Variants in KNTC1 observed in about 807,000 individuals in gnomAD.
The protein encoded by KNTC1 is kinetochore associated 1, also known as kinetochore-associated protein 1.
KNTC1 carries 253 observed loss-of-function variants against 314.4 expected under a neutral mutation model. That is an observed-to-expected ratio of 0.80 (90% CI 0.73 to 0.89). The LOEUF is 0.89. Ranked by LOEUF, KNTC1 falls within the 40% of genes least tolerant of loss-of-function variation. KNTC1 has a pLI of 0.00. For synonymous variants in KNTC1, 901 were observed against 901.4 expected (o/e 1.00, Z 0.01); for missense variants, 2,475 against 2,572.9 (o/e 0.96, Z 0.82).
In KNTC1 at chr12:122,557,588, T is replaced by G; in HGVS notation, c.1399-12T>G. 6.2e-7 allele frequency: 1 copy of G among 1,612,888 alleles called. No individual in the cohort carries two copies. Among genetic ancestry groups the G allele is most frequent in the Non-Finnish European group, 8.5e-7 (1 of 1,179,286 alleles). ...TTAGGTTGCCTTACTGTGTCTGGCATTTGTGAAACAGGATGATGAATTTGT... is the reference window on the plus strand; with the variant it reads ...TTAGGTTGCCTTACTGTGTCTGGCAGTTGTGAAACAGGATGATGAATTTGT... On this transcript the variant is annotated splice_polypyrimidine_tract_variant and intron_variant, in intron 17 of 63. Transcript: ENST00000333479.
rs150994492 is a variant in KNTC1 at position 122,557,789 on chromosome 12, T to C, written c.1488+100T>C. On this transcript the variant is annotated intron_variant, in intron 18 of 63. Coordinates refer to ENST00000333479, the MANE Select transcript of KNTC1 (RefSeq NM_014708.6). ...AAATATATCTTTTCCTCCTATCCGC[T>C]ATGTGTATTATTAATAAAAAAGTTT... is the stretch of plus-strand genomic sequence containing the variant. 1.7e-3 allele frequency: 1,329 copies of C among 762,348 alleles called. 20 individuals are homozygous for C. In the African/African-American group the frequency reaches 0.021, roughly 12 times the overall value. The allele number at this position is 762,348 out of a possible 1,614,324, so 47.2% of individuals were successfully genotyped here.
intron 19 of KNTC1, among the ~76,000 whole-genome samples, chr12:122,562,243 T>C (rs972835174): frequency 2.6e-5 from 4 of 152,202 alleles, no homozygotes; most frequent in Admixed American, 6.5e-5. Context: ...ATGATGGTGC[T>C]AAAATACATG....
intron 60 of KNTC1, among the ~76,000 whole-genome samples, chr12:122,621,353 GTT>G (rs1874411512): frequency 6.6e-6 from 1 of 152,102 alleles, no homozygotes; most frequent in Non-Finnish European, 1.5e-5. Context: ...TTTTTCGTTT[GTT>G]TGTTTTTTGT....
intron 42 of KNTC1, chr12:122,593,892 C>G (rs1419059864): frequency 5.9e-6 from 1 of 169,742 alleles, no homozygotes; most frequent in Non-Finnish European, 1.3e-5. Context: ...AGGCATGAGC[C>G]AAAACCCTGT....
chr12:122,622,628 A>G (rs781539440), intron 62 of KNTC1, 21 bp downstream of exon 62: 1 of 1,496,040 alleles, frequency 6.7e-7, no homozygotes, highest in South Asian at 1.3e-5. Context: ...TAAAAAAAAA[A>G]AAACTTACTG....
chr12:122,618,841 G>T (rs183214024), intron 59 of KNTC1, among the ~76,000 whole-genome samples: 1 of 151,360 alleles, frequency 6.6e-6, no homozygotes, highest in Non-Finnish European at 1.5e-5. Context: ...GCTAATTTTT[G>T]TATTTTTAGT....
intron 5 of KNTC1, among the ~76,000 whole-genome samples, chr12:122,541,596 T>G (rs1215919879): frequency 6.6e-6 from 1 of 151,722 alleles, no homozygotes; most frequent in East Asian, 2.0e-4. Context: ...CTACCTGCCT[T>G]GGCCTCCCAA....
At chr12:122,586,070 T>TGTTTG (rs1869242013) in intron 37 of KNTC1, among the ~76,000 whole-genome samples, 1 of 80,698 alleles carries the variant, frequency 1.2e-5, no homozygotes, top group Admixed American at 1.1e-4. Flanking sequence ...CTTTTTTGTG[T>TGTTTG]GTTTGTTTTG....
At chr12:122,615,856 C>T (rs1873707907) in intron 57 of KNTC1, among the ~76,000 whole-genome samples, 1 of 152,254 alleles carries the variant, frequency 6.6e-6, no homozygotes, top group African/African-American at 2.4e-5. Flanking sequence ...TGCCCGGACC[C>T]GTTAATACTC....
chr12:122,588,773 C>T lies in KNTC1; in HGVS notation c.3956C>T (p.Ala1319Val). 6.4e-7 allele frequency: 1 copy of T among 1,567,110 alleles called. No individual in the cohort carries two copies. The highest frequency in any genetic ancestry group is 1.9e-5 in the Admixed American group (1 of 52,940). The change falls in exon 40 of 64, where the codon GCT becomes GTT. Residue 1319 changes from alanine to valine, a missense_variant. Transcript: ENST00000333479. Reference sequence around the variant, plus strand: ...GTTGTTATGGAATTGAAAGAAAAAGCTGTTATATTTATCAGGGAAAATGCT... The same window carrying T: ...GTTGTTATGGAATTGAAAGAAAAAGTTGTTATATTTATCAGGGAAAATGCT... ...RHVVMELKEK[A>V]VIFIRENATT...
At chr12:122,550,480 C>G (rs562280801) in intron 13 of KNTC1, among the ~76,000 whole-genome samples, 1 of 151,884 alleles carries the variant, frequency 6.6e-6, no homozygotes, top group East Asian at 1.9e-4. Flanking sequence ...AATCACTCAT[C>G]AAATTTAGGT....
intron 3 of KNTC1, among the ~76,000 whole-genome samples, chr12:122,537,912 C>T (rs972527435): frequency 2.6e-5 from 4 of 152,014 alleles, no homozygotes; most frequent in Admixed American, 2.6e-4. Context: ...GATGGACAAT[C>T]GCTTGAGCTC....
chr12:122,558,406 GC>G (rs1324118812), intron 18 of KNTC1, among the ~76,000 whole-genome samples: 1 of 151,952 alleles, frequency 6.6e-6, no homozygotes, highest in South Asian at 2.1e-4. Flanking sequence ...ACAAAAATTA[GC>G]CGGGTGTGGT....
chr12:122,554,076 A>AAAATATATATATATATATATATATAT (rs370146333), intron 16 of KNTC1, among the ~76,000 whole-genome samples: 2 of 109,064 alleles, frequency 1.8e-5, no homozygotes, highest in African/African-American at 7.8e-5. Context: ...AAAAAAAAAA[A>AAAATATATATATATATATATATATAT]ATATATATAT....
At chr12:122,560,080 A>G (rs1333007307) in intron 18 of KNTC1, among the ~76,000 whole-genome samples, 1 of 152,182 alleles carries the variant, frequency 6.6e-6, no homozygotes, top group Admixed American at 6.6e-5. Context: ...ACCTTATATT[A>G]AATGGAATCA....
intron 39 of KNTC1, 117 bp from the exon 40 acceptor site, chr12:122,588,595 T>A (rs1869705261): frequency 1.3e-6 from 1 of 777,810 alleles, no homozygotes; most frequent in African/African-American, 1.8e-5. Context: ...ATAGGTTAAA[T>A]TCTGATACTT....
At chr12:122,576,030 G>T (rs1964994161) in intron 29 of KNTC1, 131 bp downstream of exon 29, 1 of 1,133,836 alleles carries the variant, frequency 8.8e-7, no homozygotes. Flanking sequence ...TGTTAGATAT[G>T]ATGTTAATAA....
intron 2 of KNTC1, among the ~76,000 whole-genome samples, chr12:122,531,803 A>G (rs12296637): frequency 0.04 from 6,028 of 149,000 alleles, 412 homozygotes; most frequent in African/African-American, 0.14. Flanking sequence ...GCATGATCTC[A>G]GCTCACTGCA....
rs188931064 is a variant in KNTC1, at chr12:122,547,329, C to G, written c.817-86C>G. 3.0e-4 allele frequency: 219 copies of G among 734,380 alleles called. No individual in the cohort carries two copies. The African/African-American group carries it at 3.3e-3, about 11-fold the overall frequency. The allele number at this position is 734,380 out of a possible 1,614,324, so 45.5% of individuals were successfully genotyped here. On this transcript the variant is annotated intron_variant, in intron 10 of 63. Coordinates refer to ENST00000333479, the MANE Select transcript of KNTC1 (RefSeq NM_014708.6). ...GGTGGAGGTTGCAGTGAGCCGAGAT[C>G]GCACCATTGCACTCCAGCCTGGGCG...
Sources: allele counts gnomAD v4.1 joint callset (sites outside exome capture counted in the v4.1 genomes callset), GRCh38; gene constraint gnomAD v4.1.1; transcripts MANE v1.5; gene names NCBI Gene and HGNC (gene_info 2026-07-23, HGNC 2026-07-21).